The following UXS1 variants were observed in gnomAD, a reference collection of about 807,000 sequenced individuals.
UXS1 encodes UDP-glucuronic acid decarboxylase 1.
Under a neutral mutation model 62.6 loss-of-function variants are expected in UXS1, and 33 were observed. The observed-to-expected ratio is 0.53, with a 90% confidence interval of 0.40 to 0.70. UXS1 has a LOEUF of 0.70. Among genes scored for constraint, UXS1 ranks in the 30% least tolerant of loss-of-function variants. UXS1 has a pLI of 0.00. For synonymous variants in UXS1, 213 were observed against 206.8 expected, an observed-to-expected ratio of 1.03 and a Z score of -0.26; for missense variants, 434 against 556.3, an observed-to-expected ratio of 0.78 and a Z score of 2.21.
At chr2:106,168,320 C>T (rs1683336516) in intron 1 of UXS1, among the ~76,000 whole-genome samples, 1 of 152,188 alleles carries the variant, frequency 6.6e-6, no homozygotes, top group African/African-American at 2.4e-5. Context: ...TTACAAATGC[C>T]ATGGCAACGT....
At chr2:106,166,405 A>G (rs987060792) in intron 1 of UXS1, 15 of 206,564 alleles carry the variant, frequency 7.3e-5, no homozygotes, top group Non-Finnish European at 1.4e-4. Flanking sequence ...AGTTATCAAG[A>G]ATTTACATTA....
At chr2:106,114,492 G>A (rs1479065777) in intron 9 of UXS1, among the ~76,000 whole-genome samples, 1 of 152,200 alleles carries the variant, frequency 6.6e-6, no homozygotes, top group African/African-American at 2.4e-5. Context: ...AAAGTGAATG[G>A]ATGTGGCTTT....
chr2:106,116,190 A>G (rs548788844), intron 9 of UXS1, among the ~76,000 whole-genome samples: 1 of 152,332 alleles, frequency 6.6e-6, no homozygotes, highest in South Asian at 2.1e-4. Context: ...CCAAGGACAG[A>G]AATGTTACCA....
intron 5 of UXS1, among the ~76,000 whole-genome samples, chr2:106,152,002 G>A (rs1422846806): frequency 6.6e-6 from 1 of 152,172 alleles, no homozygotes; most frequent in Non-Finnish European, 1.5e-5. Flanking sequence ...AACAACCTGT[G>A]TACTAGTCAT....
intron 10 of UXS1, among the ~76,000 whole-genome samples, chr2:106,110,599 G>C (rs541540299): frequency 1.3e-5 from 2 of 152,308 alleles, no homozygotes; most frequent in East Asian, 3.9e-4. Flanking sequence ...CCAAGTAGCA[G>C]CAAGAGGGTT....
intron 1 of UXS1, among the ~76,000 whole-genome samples, chr2:106,180,572 A>C (rs569620864): frequency 7.9e-5 from 12 of 152,328 alleles, no homozygotes; most frequent in African/African-American, 2.4e-4. Context: ...AAAATCAAGT[A>C]CTTTCTGTCA....
At chr2:106,157,984 A>G (rs540411837) in intron 5 of UXS1, 74 bp downstream of exon 5, 1 of 1,264,630 alleles carries the variant, frequency 7.9e-7, no homozygotes, top group Non-Finnish European at 1.1e-6. Context: ...GAATTCTATG[A>G]TATGTGAATT....
chr2:106,174,648 A>G (rs1277140861), intron 1 of UXS1, among the ~76,000 whole-genome samples: 1 of 152,106 alleles, frequency 6.6e-6, no homozygotes, highest in African/African-American at 2.4e-5. Context: ...GAGAGGCCAC[A>G]GCCCTGGGGA....
In UXS1 at chr2:106,145,191, C is replaced by G; in HGVS notation, c.471G>C (p.Glu157Asp). ...NHDVVEPLYIEVDQIYHLASP... is the reference protein window; with the variant it reads ...NHDVVEPLYIDVDQIYHLASP... The stretch of plus-strand genomic sequence containing the variant: ...TAACAATGTGCAGTTTTCACTCACC[C>G]TCGATGTAGAGGGGCTCCACCACGT... The change falls in exon 6 of 15, where the codon GAG (glutamate) becomes GAC (aspartate). Residue 157 changes from glutamate to aspartate, a missense_variant and splice_region_variant. Glu to Asp is a conservative substitution (Grantham distance 45). This residue lies in a region of UXS1 where 134 missense variants were observed against 251.9 expected (regional missense o/e 0.53). Transcript: ENST00000283148. The G allele has an allele frequency of 6.2e-7, 1 of 1,612,540 alleles. No homozygotes were observed. The highest frequency in any genetic ancestry group is 8.5e-7 in the Non-Finnish European group (1 of 1,179,178).
At chr2:106,159,991 T>A (rs532214479) in intron 4 of UXS1, 1 of 152,166 alleles carries the variant, frequency 6.6e-6, no homozygotes, top group Non-Finnish European at 1.5e-5. Context: ...GGGCTCCCCC[T>A]TGTGAGCTCA....
intron 10 of UXS1, among the ~76,000 whole-genome samples, chr2:106,109,562 A>G (rs1183476494): frequency 2.6e-5 from 4 of 152,244 alleles, no homozygotes; most frequent in South Asian, 2.1e-4. Context: ...GGTGAGTGCC[A>G]TAACTGAACT....
intron 9 of UXS1, among the ~76,000 whole-genome samples, chr2:106,121,878 T>C (rs1040777081): frequency 6.6e-6 from 1 of 152,186 alleles, no homozygotes; most frequent in African/African-American, 2.4e-5. Flanking sequence ...GGCTTTACAT[T>C]GCCCTGTCCT....
intron 6 of UXS1, among the ~76,000 whole-genome samples, chr2:106,143,301 C>A (rs1681277216): frequency 6.9e-6 from 1 of 143,920 alleles, no homozygotes; most frequent in Middle Eastern, 3.4e-3. Flanking sequence ...CCCAGCTACT[C>A]AGGAGGCTGA....
At chr2:106,174,481 G>C (rs1198618603) in intron 1 of UXS1, among the ~76,000 whole-genome samples, 1 of 152,244 alleles carries the variant, frequency 6.6e-6, no homozygotes, top group Non-Finnish European at 1.5e-5. Flanking sequence ...AGTTGGGGCA[G>C]AGGAGGATGG....
chr2:106,123,146 C>A, intron 8 of UXS1, 55 bp from the exon 9 acceptor site: 1 of 1,606,334 alleles, frequency 6.2e-7, no homozygotes, highest in Non-Finnish European at 8.5e-7. Context: ...CAGTTCATAT[C>A]AATAATGCAT....
rs554112563 is a variant in UXS1, at chr2:106,174,270, C to T, written c.95-8187G>A. Among the ~76,000 whole-genome samples, 5 of 152,264 alleles carry T rather than the reference C, an allele frequency of 3.3e-5. No individual in the cohort carries two copies. In the East Asian group the frequency reaches 7.7e-4, roughly 24 times the overall value. On this transcript the variant is annotated intron_variant, in intron 1 of 14. Transcript: ENST00000283148. ...ATATTATTCCAAGAAAGCTGGGCTCCGGACAGCAGGCAATGAACAGCTGTT... is the reference window on the plus strand; with the variant it reads ...ATATTATTCCAAGAAAGCTGGGCTCTGGACAGCAGGCAATGAACAGCTGTT...
intron 1 of UXS1, among the ~76,000 whole-genome samples, chr2:106,184,558 C>T (rs1684443953): frequency 6.6e-6 from 1 of 152,168 alleles, no homozygotes; most frequent in Non-Finnish European, 1.5e-5. Context: ...AAGACACTGG[C>T]GGTGAGGGCT....
At chr2:106,102,429 G>A (rs539856034) in intron 11 of UXS1, 1 of 152,196 alleles carries the variant, frequency 6.6e-6, no homozygotes, top group Non-Finnish European at 1.5e-5. Context: ...GCAGACGGGA[G>A]AGCCATGGGC....
At chr2:106,192,140 G>T (rs1684972149) in intron 1 of UXS1, among the ~76,000 whole-genome samples, 1 of 152,138 alleles carries the variant, frequency 6.6e-6, no homozygotes, top group South Asian at 2.1e-4. Context: ...TGTGGTATAG[G>T]GTCTGTACCA....
Sources: allele counts gnomAD v4.1 joint callset (sites outside exome capture counted in the v4.1 genomes callset), GRCh38; gene constraint gnomAD v4.1.1; regional missense constraint gnomAD v4.1.1; transcripts MANE v1.5; gene names NCBI Gene and HGNC (gene_info 2026-07-23, HGNC 2026-07-21).